Variants in ANXA13 observed in about 807,000 individuals in gnomAD.
The protein encoded by ANXA13 is annexin A13, also known as annexin XIII.
Under a neutral mutation model 46.6 loss-of-function variants are expected in ANXA13, and 36 were observed. The ratio of observed to expected loss-of-function variants is 0.77; its 90% CI spans 0.59 to 1.02. ANXA13 has a LOEUF of 1.02. Ranked by LOEUF, ANXA13 falls within the 50% of genes least tolerant of loss-of-function variation. The pLI is 0.00. For synonymous variants in ANXA13, 163 were observed against 152.9 expected, an observed-to-expected ratio of 1.07 and a Z score of -0.49; for missense variants, 417 against 396.5, an observed-to-expected ratio of 1.05 and a Z score of -0.44.
chr8:123,710,489 A>T (rs770129613), intron 2 of ANXA13, among the ~76,000 whole-genome samples: 1 of 152,252 alleles, frequency 6.6e-6, no homozygotes, highest in Non-Finnish European at 1.5e-5. Context: ...GGTGAATTTT[A>T]TGGTATGCAA....
At chr8:123,726,276 A>C (rs1563619479) in intron 1 of ANXA13, among the ~76,000 whole-genome samples, 1 of 152,222 alleles carries the variant, frequency 6.6e-6, no homozygotes, top group African/African-American at 2.4e-5. Flanking sequence ...TCCTTAGGCT[A>C]TGCCATCTGG....
intron 3 of ANXA13, 146 bp downstream of exon 3, chr8:123,702,495 TA>T: frequency 1.6e-6 from 1 of 641,958 alleles, no homozygotes; most frequent in Non-Finnish European, 2.7e-6. Context: ...TGAACTCCAT[TA>T]ATGCTTTTAA....
chr8:123,700,740 CTT>C (rs1051712419), intron 3 of ANXA13, among the ~76,000 whole-genome samples: 8 of 151,972 alleles, frequency 5.3e-5, no homozygotes, highest in Admixed American at 6.6e-5. Flanking sequence ...TTCTCTCTCT[CTT>C]TCATTCTTTT....
chr8:123,689,001 C>G, intron 8 of ANXA13, 55 bp from the exon 9 acceptor site: 1 of 1,557,826 alleles, frequency 6.4e-7, no homozygotes, highest in East Asian at 2.3e-5. Flanking sequence ...GACCTTAGTA[C>G]TCTTGGGGTT....
rs768701348 is a variant in ANXA13, at chr8:123,681,348, C to T, written c.843G>A (p.Gln281=). 6.2e-7 allele frequency: 1 copy of T among 1,613,656 alleles called. No homozygotes were observed. The change falls in exon 11 of 11, where the codon CAG becomes CAA. Residue 281 remains glutamine (Q), a synonymous_variant. Coordinates refer to ENST00000419625, the MANE Select transcript of ANXA13 (RefSeq NM_004306.4). ...IVVTRAEVDL[Q]GIKAKFQEKY... ...TCTCTTGGAACTTTGCTTTGATCCCCTGAAGGTCCACCTGTAGAAAAAATA... is the reference window on the plus strand; with the variant it reads ...TCTCTTGGAACTTTGCTTTGATCCCTTGAAGGTCCACCTGTAGAAAAAATA...
intron 1 of ANXA13, among the ~76,000 whole-genome samples, chr8:123,730,577 C>A (rs1235652358): frequency 6.6e-6 from 1 of 152,158 alleles, no homozygotes; most frequent in Non-Finnish European, 1.5e-5. Flanking sequence ...GCAGAATTCA[C>A]CTTATTTGGA....
chr8:123,688,799 A>C, intron 9 of ANXA13, 72 bp downstream of exon 9: 1 of 1,385,786 alleles, frequency 7.2e-7, no homozygotes. Flanking sequence ...ATCTTCCTAC[A>C]CACAAACCTC....
chr8:123,697,092 T>G (rs1281741620), intron 4 of ANXA13, among the ~76,000 whole-genome samples: 1 of 152,158 alleles, frequency 6.6e-6, no homozygotes, highest in Non-Finnish European at 1.5e-5. Flanking sequence ...GTATTTTTAG[T>G]AGAGACGGGG....
At chr8:123,722,762 G>A (rs983871853) in intron 1 of ANXA13, among the ~76,000 whole-genome samples, 22 of 152,146 alleles carry the variant, frequency 1.4e-4, no homozygotes, top group Admixed American at 1.3e-3. Context: ...ATGTCACAGC[G>A]CTGGACAGGG....
At chr8:123,695,395 A>G (rs1813310721) in intron 6 of ANXA13, 107 bp downstream of exon 6, 1 of 836,340 alleles carries the variant, frequency 1.2e-6, no homozygotes, top group South Asian at 1.6e-5. Flanking sequence ...AATATTTTTA[A>G]TATAAGAAAG....
chr8:123,691,114 A>C (rs925062409), intron 8 of ANXA13, among the ~76,000 whole-genome samples: 7 of 152,218 alleles, frequency 4.6e-5, no homozygotes, highest in Admixed American at 2.6e-4. Flanking sequence ...TCAGAAGTTA[A>C]GACTCAGGCT....
At chr8:123,701,340 C>T (rs777841488) in intron 3 of ANXA13, among the ~76,000 whole-genome samples, 24 of 151,978 alleles carry the variant, frequency 1.6e-4, no homozygotes, top group Non-Finnish European at 2.2e-4. Context: ...CATGGTGGCG[C>T]GTGCCTGTAA....
At chr8:123,734,309 G>C (rs142509337) in intron 1 of ANXA13, among the ~76,000 whole-genome samples, 10 of 152,140 alleles carry the variant, frequency 6.6e-5, no homozygotes, top group Non-Finnish European at 1.2e-4. Flanking sequence ...CCAGACAATA[G>C]AAGAGTCATC....
rs113828413 is a variant in ANXA13 at position 123,712,850 on chromosome 8, C to T, written c.16-97G>A. ...GCAAACTGGAGGACCAAATAGTCATCCTAACCAGGGACCAGCTGTCACTTC... is the reference window on the plus strand; with the variant it reads ...GCAAACTGGAGGACCAAATAGTCATTCTAACCAGGGACCAGCTGTCACTTC... On this transcript the variant is annotated intron_variant, in intron 1 of 10. Coordinates refer to ENST00000419625, the MANE Select transcript of ANXA13 (RefSeq NM_004306.4). The T allele has an allele frequency of 1.1e-4, 118 of 1,029,356 alleles. 1 individual carries two copies. The African/African-American group carries it at 1.7e-3, about 14-fold the overall frequency. 63.8% of individuals were successfully genotyped at this position (1,029,356 alleles called of 1,614,324 possible).
chr8:123,694,557 A>T (rs1813296792), intron 6 of ANXA13, among the ~76,000 whole-genome samples: 1 of 152,210 alleles, frequency 6.6e-6, no homozygotes, highest in African/African-American at 2.4e-5. Context: ...GTCAACAGCA[A>T]GAAAATGGGG....
At chr8:123,686,370 G>A (rs1235123012) in intron 9 of ANXA13, among the ~76,000 whole-genome samples, 1 of 151,294 alleles carries the variant, frequency 6.6e-6, no homozygotes, top group South Asian at 2.1e-4. Flanking sequence ...TGAGGCATGA[G>A]AACCACTTGA....
At chr8:123,685,440 T>C (rs1416077285) in intron 9 of ANXA13, among the ~76,000 whole-genome samples, 1 of 152,082 alleles carries the variant, frequency 6.6e-6, no homozygotes, top group Non-Finnish European at 1.5e-5. Flanking sequence ...AATAAATCAT[T>C]CCTTCCCCTC....
intron 2 of ANXA13, among the ~76,000 whole-genome samples, chr8:123,710,715 C>T (rs1264101895): frequency 6.6e-6 from 1 of 151,804 alleles, no homozygotes; most frequent in Non-Finnish European, 1.5e-5. Context: ...CAGTGTTCCC[C>T]ACTTACTGGC....
intron 2 of ANXA13, among the ~76,000 whole-genome samples, chr8:123,708,166 A>G (rs1813580008): frequency 6.6e-6 from 1 of 152,216 alleles, no homozygotes; most frequent in Non-Finnish European, 1.5e-5. Context: ...GCCAGTCCCC[A>G]GTGGTTCTGG....
Sources: gnomAD v4.1 joint callset for allele counts (sites outside exome capture counted in the v4.1 genomes callset) on GRCh38, gnomAD v4.1.1 for gene constraint, MANE v1.5 for transcripts, NCBI Gene and HGNC (gene_info 2026-07-23, HGNC 2026-07-21) for gene names.